The following MAPK10 variants were observed in gnomAD, a reference collection of about 807,000 sequenced individuals.
The protein encoded by MAPK10 is JNK3 alpha protein kinase.
MAPK10 carries 25 observed loss-of-function variants against 59.3 expected under a neutral mutation model. The ratio of observed to expected loss-of-function variants is 0.42; its 90% CI spans 0.31 to 0.59. The LOEUF is 0.59. Among genes scored for constraint, MAPK10 ranks in the 20% least tolerant of loss-of-function variants. The probability of loss-of-function intolerance (pLI) is 0.15; values close to 1 mark genes in which losing one functional copy is unlikely to be tolerated. For synonymous variants in MAPK10, 190 were observed against 200.5 expected (o/e 0.95, Z 0.44); for missense variants, 351 against 568.9 (o/e 0.62, Z 3.90).
At chr4:86,490,700 C>T (rs1478759246) in intron 1 of MAPK10, among the ~76,000 whole-genome samples, 1 of 152,212 alleles carries the variant, frequency 6.6e-6, no homozygotes, top group Non-Finnish European at 1.5e-5. Context: ...CAGTTCTTTA[C>T]AATCATCTTC....
At chr4:86,297,619 G>A (rs1457419415) in intron 2 of MAPK10, among the ~76,000 whole-genome samples, 1 of 152,142 alleles carries the variant, frequency 6.6e-6, no homozygotes. Flanking sequence ...CCTATATAGA[G>A]TTTTATGTCT....
At chr4:86,270,866 T>A (rs892351278) in intron 2 of MAPK10, among the ~76,000 whole-genome samples, 1 of 152,096 alleles carries the variant, frequency 6.6e-6, no homozygotes, top group African/African-American at 2.4e-5. Context: ...TGATGAAATA[T>A]TTTTTATTGT....
At chr4:86,199,943 T>C (rs2082248670) in intron 2 of MAPK10, among the ~76,000 whole-genome samples, 1 of 152,054 alleles carries the variant, frequency 6.6e-6, no homozygotes, top group African/African-American at 2.4e-5. Flanking sequence ...ATTAAACTAC[T>C]GAATTAATAA....
intron 2 of MAPK10, among the ~76,000 whole-genome samples, chr4:86,242,256 G>T (rs954031040): frequency 2.0e-5 from 3 of 152,218 alleles, no homozygotes; most frequent in Middle Eastern, 3.4e-3. Context: ...ACCTCGAGAG[G>T]CACCAACCTG....
chr4:86,593,383 T>G (rs753509514), intron 1 of MAPK10, among the ~76,000 whole-genome samples: 2 of 152,188 alleles, frequency 1.3e-5, no homozygotes, highest in Non-Finnish European at 2.9e-5. Flanking sequence ...AACCCAAAAC[T>G]TTCAAAACTC....
chr4:86,329,475 G>A (rs559033220), intron 2 of MAPK10, among the ~76,000 whole-genome samples: 36 of 152,218 alleles, frequency 2.4e-4, no homozygotes, highest in African/African-American at 8.7e-4. Flanking sequence ...ATTTAAGGAT[G>A]CAGCCATCAT....
chr4:86,401,403 G>T (rs538658165), intron 1 of MAPK10, among the ~76,000 whole-genome samples: 1 of 152,048 alleles, frequency 6.6e-6, no homozygotes, highest in East Asian at 1.9e-4. Flanking sequence ...TAGATTCTTC[G>T]CTTCCATTGA....
intron 1 of MAPK10, among the ~76,000 whole-genome samples, chr4:86,522,478 T>C (rs916045896): frequency 2.0e-5 from 3 of 152,220 alleles, no homozygotes; most frequent in African/African-American, 7.2e-5. Flanking sequence ...ACAGTTCCTA[T>C]TGATACATTT....
chr4:86,542,205 C>A (rs999808356), intron 1 of MAPK10, among the ~76,000 whole-genome samples: 11 of 152,080 alleles, frequency 7.2e-5, no homozygotes, highest in African/African-American at 2.7e-4. Context: ...AGGTATGTCA[C>A]GTCATTGGCC....
rs999606291 is a variant in MAPK10, at chr4:86,359,664, G to A, written c.-128C>T. 67 of 985,536 alleles carry A rather than the reference G, an allele frequency of 6.8e-5. No homozygotes were observed. Among genetic ancestry groups the A allele is most frequent in the Non-Finnish European group, 8.1e-5 (67 of 829,882 alleles). 61.0% of individuals were successfully genotyped at this position (985,536 alleles called of 1,614,324 possible). A position where few individuals can be genotyped will look rare whatever the true frequency, so the allele number is the denominator to read the frequency against. On this transcript the variant is annotated 5_prime_UTR_variant, in exon 1 of 14. In the 5' UTR this introduces an upstream ATG that the reference lacks. Transcript: ENST00000641462. ...CGAGCAAAGAGCCACCTACCATTCC[G>A]TGCCTGAGAACTACGATCCTGATCC... is the stretch of plus-strand genomic sequence containing the variant.
At chr4:86,532,137 C>T (rs1757902195) in intron 1 of MAPK10, among the ~76,000 whole-genome samples, 1 of 149,832 alleles carries the variant, frequency 6.7e-6, no homozygotes, top group Non-Finnish European at 1.5e-5. Flanking sequence ...GGCAAAGAAG[C>T]TCCCATCAAA....
At chr4:86,444,021 T>A in intron 1 of MAPK10, among the ~76,000 whole-genome samples, 2 of 147,606 alleles carry the variant, frequency 1.4e-5, no homozygotes, top group African/African-American at 2.5e-5. Context: ...CAATAGAAAC[T>A]GAAAATTTAA....
chr4:86,341,131 G>T (rs1019945420), intron 2 of MAPK10, among the ~76,000 whole-genome samples: 10 of 152,108 alleles, frequency 6.6e-5, no homozygotes, highest in Non-Finnish European at 1.5e-4. Context: ...GCCAAAACCC[G>T]CAGGAATTTA....
At chr4:86,056,535 A>G (rs2044574538) in intron 11 of MAPK10, among the ~76,000 whole-genome samples, 1 of 150,304 alleles carries the variant, frequency 6.7e-6, no homozygotes, top group African/African-American at 2.5e-5. Context: ...ACAGTTAATA[A>G]AGGTAGAAAC....
chr4:86,448,546 G>T (rs1750326307), intron 1 of MAPK10, among the ~76,000 whole-genome samples: 1 of 151,928 alleles, frequency 6.6e-6, no homozygotes, highest in African/African-American at 2.4e-5. Context: ...CTTTTTAAAT[G>T]TAGATCTTAT....
intron 2 of MAPK10, among the ~76,000 whole-genome samples, chr4:86,349,581 A>G (rs1265314919): frequency 6.6e-6 from 1 of 152,224 alleles, no homozygotes; most frequent in Non-Finnish European, 1.5e-5. Flanking sequence ...GAGGTAGATA[A>G]TGCACAGGTT....
At chr4:86,117,109 A>C (rs1000036159) in intron 4 of MAPK10, among the ~76,000 whole-genome samples, 12 of 152,372 alleles carry the variant, frequency 7.9e-5, no homozygotes, top group African/African-American at 2.9e-4. Flanking sequence ...AGCTTTGTTA[A>C]ACTTTAAATA....
chr4:86,345,938 C>G (rs540175363), intron 2 of MAPK10, among the ~76,000 whole-genome samples: 1 of 152,312 alleles, frequency 6.6e-6, no homozygotes, highest in African/African-American at 2.4e-5. Flanking sequence ...CAATTTGCCT[C>G]ATAACATTTC....
intron 1 of MAPK10, among the ~76,000 whole-genome samples, chr4:86,390,348 A>G (rs2149008213): frequency 6.6e-6 from 1 of 152,322 alleles, no homozygotes; most frequent in South Asian, 2.1e-4. Context: ...ATGCCAAAAT[A>G]AAAGGCAGAA....
Sources: allele counts gnomAD v4.1 joint callset (sites outside exome capture counted in the v4.1 genomes callset), GRCh38; gene constraint gnomAD v4.1.1; transcripts MANE v1.5; gene names NCBI Gene and HGNC (gene_info 2026-07-23, HGNC 2026-07-21).